Variants in ENDOD1 observed in about 807,000 individuals in gnomAD.
The protein encoded by ENDOD1 is endonuclease domain containing 1, also known as endonuclease domain-containing 1 protein.
Under a neutral mutation model 6.5 loss-of-function variants are expected in ENDOD1, and 9 were observed. The ratio of observed to expected loss-of-function variants is 1.39; its 90% CI spans 0.84 to 2.43. The LOEUF is 2.43. Among genes scored for constraint, ENDOD1 ranks in the 30% most tolerant of loss-of-function variants. The probability of loss-of-function intolerance (pLI) is 0.00; values close to 1 mark genes in which losing one functional copy is unlikely to be tolerated. For synonymous variants in ENDOD1, 255 were observed against 255.2 expected (o/e 1.00, Z 0.01); for missense variants, 648 against 635.5 (o/e 1.02, Z -0.21).
In ENDOD1 at chr11:95,104,380, G is replaced by A. The variant is rs971309555; in HGVS notation, c.300+14153G>A. 2.0e-5 allele frequency among the ~76,000 whole-genome samples: 3 copies of A among 151,246 alleles called. No individual in the cohort carries two copies. The South Asian group carries it at 6.3e-4, about 32-fold the overall frequency. Reference sequence around the variant, plus strand: ...GAGGATCACCTGATCCTGGGAGGTCGAGGCTGCAGTGAGCTGAGGTCGCAT... The same window carrying A: ...GAGGATCACCTGATCCTGGGAGGTCAAGGCTGCAGTGAGCTGAGGTCGCAT... On this transcript the variant is annotated intron_variant, in intron 1 of 1. Transcript: ENST00000278505.
intron 1 of ENDOD1, among the ~76,000 whole-genome samples, chr11:95,120,849 G>A (rs1565448322): frequency 1.3e-5 from 2 of 152,278 alleles, no homozygotes; most frequent in East Asian, 3.9e-4. Context: ...CCAACCACTG[G>A]GATTGGCAGC....
Position 95,097,874 on chromosome 11 carries a change from A to G in ENDOD1, c.300+7647A>G, listed in dbSNP as rs560189640. Reference sequence around the variant, plus strand: ...GTCATGAATAAGACAAGGATACAAAAGGAGGGGCTGTTTGGGGGCCATATC... The same window carrying G: ...GTCATGAATAAGACAAGGATACAAAGGGAGGGGCTGTTTGGGGGCCATATC... On this transcript the variant is annotated intron_variant, in intron 1 of 1. Transcript: ENST00000278505. 3.9e-5 allele frequency among the ~76,000 whole-genome samples: 6 copies of G among 152,334 alleles called. No individual in the cohort carries two copies. In the East Asian group the frequency reaches 1.2e-3, roughly 29 times the overall value.
intron 1 of ENDOD1, among the ~76,000 whole-genome samples, chr11:95,115,651 G>A (rs1227494033): frequency 6.6e-6 from 1 of 151,920 alleles, no homozygotes; most frequent in African/African-American, 2.4e-5. Flanking sequence ...TATATATGTT[G>A]AGGTATGTTC....
At chr11:95,096,744 T>C (rs114073209) in intron 1 of ENDOD1, among the ~76,000 whole-genome samples, 1 of 152,202 alleles carries the variant, frequency 6.6e-6, no homozygotes. Context: ...CAAATCTTTA[T>C]TGAGCATCTG....
chr11:95,125,127 T>A (rs1859299140), intron 1 of ENDOD1, among the ~76,000 whole-genome samples: 1 of 152,134 alleles, frequency 6.6e-6, no homozygotes, highest in Admixed American at 6.5e-5. Context: ...CACCCTTGGG[T>A]GGCTCTTGGG....
rs59629943 is a variant in ENDOD1 at position 95,116,133 on chromosome 11, C to T, written c.301-12244C>T. On this transcript the variant is annotated intron_variant, in intron 1 of 1. Transcript: ENST00000278505. ...CATTAAGTCCCAGGATTTTCTTCAC[C>T]GGGAGACTTTTTTATTATAGCTTCG... 6.6e-4 allele frequency among the ~76,000 whole-genome samples: 100 copies of T among 152,092 alleles called. No individual in the cohort carries two copies. The East Asian group carries it at 0.018, about 27-fold the overall frequency.
In ENDOD1 at chr11:95,128,312, T is replaced by C. The variant is rs1859331061; in HGVS notation, c.301-65T>C. On this transcript the variant is annotated intron_variant, in intron 1 of 1. Coordinates refer to ENST00000278505, the MANE Select transcript of ENDOD1 (RefSeq NM_015036.3). The stretch of plus-strand genomic sequence containing the variant: ...GGACTTCTCCAGAGTCTGGGCAGGA[T>C]GATTCTAGTGCTGCCTCTGTGCTGT... The C allele has an allele frequency of 3.9e-6, 6 of 1,548,112 alleles. No homozygotes were observed. The South Asian group carries it at 7.6e-5, about 20-fold the overall frequency.
chr11:95,118,677 G>T (rs1345730237), intron 1 of ENDOD1, among the ~76,000 whole-genome samples: 2 of 152,092 alleles, frequency 1.3e-5, no homozygotes, highest in African/African-American at 2.4e-5. Flanking sequence ...TAACCTTCTT[G>T]TACCTGGATA....
intron 1 of ENDOD1, among the ~76,000 whole-genome samples, chr11:95,113,898 G>A (rs1013559548): frequency 6.6e-6 from 1 of 152,106 alleles, no homozygotes; most frequent in Non-Finnish European, 1.5e-5. Flanking sequence ...CAGTGTAAGA[G>A]GGTTACTTTT....
intron 1 of ENDOD1, among the ~76,000 whole-genome samples, chr11:95,090,529 T>C (rs1858920461): frequency 6.6e-6 from 1 of 152,200 alleles, no homozygotes; most frequent in Admixed American, 6.5e-5. Flanking sequence ...ACATCCGCAG[T>C]GTTTCATTCC....
chr11:95,128,093 G>A (rs987667466), intron 1 of ENDOD1, among the ~76,000 whole-genome samples: 4 of 152,212 alleles, frequency 2.6e-5, no homozygotes, highest in South Asian at 2.1e-4. Context: ...AGAACATCAC[G>A]ATGGTGGGTG....
In ENDOD1 at chr11:95,128,796, C is replaced by T; in HGVS notation, c.720C>T (p.Thr240=). Residue 240 remains threonine, a synonymous_variant, in exon 2 of 2, where the codon ACC becomes ACT. Transcript: ENST00000278505. The part of the protein sequence containing the change: ...GGWAMGFVKH[T]RDSDIIEDVM... ...GGGCCATGGGCTTTGTCAAGCACAC[C>T]CGGGACAGTGACATCATAGAAGATG... 1 of 1,614,100 alleles carries T rather than the reference C, an allele frequency of 6.2e-7. No individual in the cohort carries two copies. The highest frequency in any genetic ancestry group is 1.1e-5 in the South Asian group (1 of 91,066).
At chr11:95,093,309 G>T (rs1858949424) in intron 1 of ENDOD1, among the ~76,000 whole-genome samples, 1 of 152,146 alleles carries the variant, frequency 6.6e-6, no homozygotes, top group Admixed American at 6.5e-5. Context: ...AAACCAGACT[G>T]TTTGTGATGT....
intron 1 of ENDOD1, among the ~76,000 whole-genome samples, chr11:95,092,873 G>A (rs1858944480): frequency 6.6e-6 from 1 of 152,198 alleles, no homozygotes; most frequent in East Asian, 1.9e-4. Context: ...ATTTTATAAT[G>A]CTGAGTCTCC....
chr11:95,117,424 G>A (rs1859221894), intron 1 of ENDOD1, among the ~76,000 whole-genome samples: 1 of 151,970 alleles, frequency 6.6e-6, no homozygotes, highest in Admixed American at 6.6e-5. Context: ...CAAAAACTTT[G>A]CATTATATAT....
At chr11:95,120,973 C>T (rs922119878) in intron 1 of ENDOD1, among the ~76,000 whole-genome samples, 4 of 152,132 alleles carry the variant, frequency 2.6e-5, no homozygotes, top group Non-Finnish European at 4.4e-5. Context: ...TTCAATGCCT[C>T]GCAGTTGCTG....
Position 95,129,241 on chromosome 11 carries a change from G to T in ENDOD1, c.1165G>T (p.Ala389Ser). 1 of 1,614,132 alleles carries T rather than the reference G, an allele frequency of 6.2e-7. No individual in the cohort carries two copies. Among genetic ancestry groups the T allele is most frequent in the Non-Finnish European group, 8.5e-7 (1 of 1,180,022 alleles). ...CTCAGCCACCATCTCATACTTCATG[G>T]CCATTGGGGAAGAGTTGGTGAGCAT... is the stretch of plus-strand genomic sequence containing the variant. The part of the protein sequence containing the change: ...LGSATISYFM[A>S]IGEELVSIPW... The change falls in exon 2 of 2, where the codon GCC (alanine) becomes TCC (serine). Residue 389 changes from alanine (A) to serine (S), a missense_variant. Transcript: ENST00000278505.
intron 1 of ENDOD1, among the ~76,000 whole-genome samples, chr11:95,108,856 T>C (rs1309951830): frequency 2.0e-5 from 3 of 152,306 alleles, no homozygotes; most frequent in African/African-American, 7.2e-5. Context: ...CTACTGTGTG[T>C]GACTGTGCAG....
intron 1 of ENDOD1, among the ~76,000 whole-genome samples, chr11:95,104,896 T>C (rs782732839): frequency 1.2e-4 from 19 of 152,194 alleles, no homozygotes; most frequent in Non-Finnish European, 2.4e-4. Context: ...CTTCACACCC[T>C]TCACTGGCTG....
Sources: allele counts gnomAD v4.1 joint callset (sites outside exome capture counted in the v4.1 genomes callset), GRCh38; gene constraint gnomAD v4.1.1; transcripts MANE v1.5; gene names NCBI Gene and HGNC (gene_info 2026-07-23, HGNC 2026-07-21).